TIMP3: variants seen among roughly 807,000 people sequenced by gnomAD.
TIMP3 encodes the protein metalloproteinase inhibitor 3.
TIMP3 carries 11 observed loss-of-function variants against 30.0 expected under a neutral mutation model. That is an observed-to-expected ratio of 0.37 (90% confidence interval 0.23 to 0.61). The LOEUF (loss-of-function observed/expected upper bound fraction) is 0.61. TIMP3 is among the 20% of genes least tolerant of loss of function. The pLI is 0.70. For missense variants in TIMP3, 181 were observed against 276.8 expected, an observed-to-expected ratio of 0.65 and a Z score of 2.45; for synonymous variants, 112 against 111.3, an observed-to-expected ratio of 1.01 and a Z score of -0.04.
chr22:32,847,494 T>G (rs1242511249), intron 1 of TIMP3, among the ~76,000 whole-genome samples: 1 of 152,228 alleles, frequency 6.6e-6, no homozygotes, highest in East Asian at 1.9e-4. Context: ...GGGCCATTGA[T>G]TCATCTGAAC....
intron 1 of TIMP3, among the ~76,000 whole-genome samples, chr22:32,821,542 A>C (rs1569251294): frequency 6.6e-6 from 1 of 152,220 alleles, no homozygotes; most frequent in Non-Finnish European, 1.5e-5. Context: ...GATGGAGTGG[A>C]GACCTGTCTG....
At chr22:32,839,014 C>G (rs142808954) in intron 1 of TIMP3, among the ~76,000 whole-genome samples, 1 of 151,766 alleles carries the variant, frequency 6.6e-6, no homozygotes, top group Non-Finnish European at 1.5e-5. Context: ...GGACAGAAGG[C>G]TTCCTGGAGG....
chr22:32,857,797 T>C (rs2048413429), intron 3 of TIMP3, among the ~76,000 whole-genome samples: 1 of 152,186 alleles, frequency 6.6e-6, no homozygotes, highest in Non-Finnish European at 1.5e-5. Context: ...TTGGGACCTT[T>C]GGCAAATCAC....
chr22:32,817,770 T>C (rs181410496), intron 1 of TIMP3, among the ~76,000 whole-genome samples: 12 of 152,290 alleles, frequency 7.9e-5, no homozygotes, highest in Admixed American at 1.3e-4. Flanking sequence ...TTGAAGGACA[T>C]TGTGGTGAGT....
chr22:32,814,349 G>GAAAGAA (rs1315475497), intron 1 of TIMP3, among the ~76,000 whole-genome samples: 27 of 148,540 alleles, frequency 1.8e-4, no homozygotes, highest in African/African-American at 5.8e-4. Context: ...GAGAAAGAAA[G>GAAAGAA]AGAGAAAGAA....
intron 1 of TIMP3, chr22:32,833,843 C>T (rs1325241480): frequency 4.0e-6 from 2 of 501,790 alleles, no homozygotes; most frequent in African/African-American, 2.0e-5. Flanking sequence ...AAGCATTTAG[C>T]ACTGATCATG....
Position 32,801,954 on chromosome 22 carries a change from A to G in TIMP3, c.-48A>G. 2 of 1,561,674 alleles carry G rather than the reference A, an allele frequency of 1.3e-6. No homozygotes were observed. The highest frequency in any genetic ancestry group is 1.2e-5 in the South Asian group (1 of 85,692). On this transcript the variant is annotated 5_prime_UTR_variant, in exon 1 of 5. Coordinates refer to ENST00000266085, the MANE Select transcript of TIMP3 (RefSeq NM_000362.5). The surrounding 1 kb of genome is among the most constrained non-coding windows in gnomAD (Gnocchi z 4.7). ...AGCCCCGCCGGCGGCGCGCACGGCA[A>G]CTTTGGAGAGGCGAGCAGCAGCCCC...
intron 1 of TIMP3, among the ~76,000 whole-genome samples, chr22:32,825,105 C>T (rs2047363298): frequency 6.6e-6 from 1 of 152,058 alleles, no homozygotes; most frequent in Non-Finnish European, 1.5e-5. Flanking sequence ...GTTTGGTAAA[C>T]AGCTGGCCTC....
At chr22:32,847,251 T>TC (rs2048092127) in intron 1 of TIMP3, among the ~76,000 whole-genome samples, 1 of 152,062 alleles carries the variant, frequency 6.6e-6, no homozygotes, top group African/African-American at 2.4e-5. Flanking sequence ...GAGGAAACAG[T>TC]CCCCGGGGCC....
chr22:32,839,456 G>C (rs2047832278), intron 1 of TIMP3, among the ~76,000 whole-genome samples: 1 of 152,014 alleles, frequency 6.6e-6, no homozygotes, highest in Non-Finnish European at 1.5e-5. Flanking sequence ...TCGCCTCATT[G>C]GACCCTTAGA....
chr22:32,825,657 C>A (rs75004879), intron 1 of TIMP3, among the ~76,000 whole-genome samples: 16 of 28,562 alleles, frequency 5.6e-4, no homozygotes, highest in African/African-American at 1.3e-3. Flanking sequence ...GTTTCCATCT[C>A]AAAAAAAAAA....
In TIMP3 at chr22:32,849,518, C is replaced by A. The variant is rs778168108; in HGVS notation, c.188C>A (p.Thr63Asn). 1 of 1,613,462 alleles carries A rather than the reference C, an allele frequency of 6.2e-7. No homozygotes were observed. The highest frequency in any genetic ancestry group is 8.5e-7 in the Non-Finnish European group (1 of 1,179,778). Residue 63 changes from threonine (T) to asparagine (N), a missense_variant, in exon 2 of 5, where the codon ACC becomes AAC. Around this residue, in one of 3 missense-constraint regions of TIMP3, gnomAD observed 63 missense variants for 133.3 expected, o/e 0.47. Coordinates refer to ENST00000266085, the MANE Select transcript of TIMP3 (RefSeq NM_000362.5). Reference protein sequence around the residue: ...KEGPFGTLVYTIKQMKMYRGF... With the variant: ...KEGPFGTLVYNIKQMKMYRGF... ...GGGCCCTTCGGCACGCTGGTCTACA[C>A]CATCAAGCAGATGAAGGTAGGTAAT...
At chr22:32,826,763 A>T (rs543280471) in intron 1 of TIMP3, among the ~76,000 whole-genome samples, 1 of 152,300 alleles carries the variant, frequency 6.6e-6, no homozygotes, top group East Asian at 1.9e-4. Flanking sequence ...CAGGGCGTCC[A>T]CTATCCAGTC....
intron 1 of TIMP3, among the ~76,000 whole-genome samples, chr22:32,830,464 C>T (rs1042942438): frequency 6.6e-6 from 1 of 152,170 alleles, no homozygotes; most frequent in African/African-American, 2.4e-5. Context: ...TGCCCAAGTG[C>T]TCATGTCTTT....
chr22:32,840,923 CCTGTATACGT>C (rs2047882263), intron 1 of TIMP3, among the ~76,000 whole-genome samples: 2 of 152,164 alleles, frequency 1.3e-5, no homozygotes, highest in Non-Finnish European at 2.9e-5. Flanking sequence ...TCTCTCTATC[CCTGTATACGT>C]CTTCACAATA....
chr22:32,819,204 G>A (rs1019734413), intron 1 of TIMP3, among the ~76,000 whole-genome samples: 10 of 152,356 alleles, frequency 6.6e-5, no homozygotes, highest in Admixed American at 2.6e-4. Flanking sequence ...GGGAGGCTTG[G>A]CCTTGCAGGC....
At chr22:32,811,079 G>A (rs955265180) in intron 1 of TIMP3, among the ~76,000 whole-genome samples, 6 of 152,110 alleles carry the variant, frequency 3.9e-5, no homozygotes, top group African/African-American at 1.2e-4. Context: ...TGAAAAGGCT[G>A]GGAACCACTG....
chr22:32,851,464 C>T (rs2048215636), intron 2 of TIMP3, among the ~76,000 whole-genome samples: 1 of 152,130 alleles, frequency 6.6e-6, no homozygotes, highest in Non-Finnish European at 1.5e-5. Flanking sequence ...CACTTGCTAG[C>T]CTATCAGCAT....
At chr22:32,841,718 A>C (rs2047909401) in intron 1 of TIMP3, among the ~76,000 whole-genome samples, 1 of 152,046 alleles carries the variant, frequency 6.6e-6, no homozygotes, top group Non-Finnish European at 1.5e-5. Context: ...CATTAGGAAA[A>C]ATAGCTAATG....
Sources: gnomAD v4.1 joint callset for allele counts (sites outside exome capture counted in the v4.1 genomes callset) on GRCh38, gnomAD v4.1.1 for gene constraint, gnomAD v4.1.1 regional missense constraint, Gnocchi (gnomAD v3.1) non-coding constraint, MANE v1.5 for transcripts, NCBI Gene and HGNC (gene_info 2026-07-23, HGNC 2026-07-21) for gene names.